The following CNTN1 variants were observed in gnomAD, a reference collection of about 807,000 sequenced individuals.
The protein encoded by CNTN1 is contactin 1.
CNTN1 carries 38 observed loss-of-function variants against 126.4 expected under a neutral mutation model. That is an observed-to-expected ratio of 0.30 (90% CI 0.23 to 0.39). CNTN1 has a LOEUF of 0.39. Ranked by LOEUF, CNTN1 falls within the 10% of genes least tolerant of loss-of-function variation. CNTN1 has a pLI of 1.00. For missense variants in CNTN1, 1,009 were observed against 1,248.4 expected (o/e 0.81, Z 2.89); for synonymous variants, 413 against 422.6 (o/e 0.98, Z 0.28).
At chr12:40,749,805 G>A (rs1373146773) in intron 1 of CNTN1, among the ~76,000 whole-genome samples, 2 of 151,936 alleles carry the variant, frequency 1.3e-5, no homozygotes, top group Non-Finnish European at 2.9e-5. Flanking sequence ...AATAGGTGTT[G>A]TGCAGGGCTT....
intron 23 of CNTN1, among the ~76,000 whole-genome samples, chr12:41,043,788 G>A (rs1336395606): frequency 2.6e-5 from 4 of 151,232 alleles, no homozygotes; most frequent in Admixed American, 1.3e-4. Flanking sequence ...AGAAAATGTG[G>A]CACATATACA....
intron 7 of CNTN1, among the ~76,000 whole-genome samples, chr12:40,931,175 T>G (rs892606347): frequency 2.6e-5 from 4 of 152,000 alleles, no homozygotes; most frequent in African/African-American, 7.2e-5. Context: ...TCTCTGCATA[T>G]TCTCTTGTAT....
chr12:40,950,794 C>T (rs1189517909), intron 14 of CNTN1, among the ~76,000 whole-genome samples: 1 of 152,054 alleles, frequency 6.6e-6, no homozygotes, highest in Non-Finnish European at 1.5e-5. Flanking sequence ...GTTGGGCTAG[C>T]TTCTTTTAAG....
intron 23 of CNTN1, among the ~76,000 whole-genome samples, chr12:41,034,969 A>G (rs1239713198): frequency 6.6e-6 from 1 of 152,212 alleles, no homozygotes; most frequent in Non-Finnish European, 1.5e-5. Flanking sequence ...AACTCCCAGC[A>G]CAGGGAGTTT....
At chr12:40,699,136 T>C (rs561944596) in intron 1 of CNTN1, among the ~76,000 whole-genome samples, 66 of 152,310 alleles carry the variant, frequency 4.3e-4, no homozygotes, top group Middle Eastern at 3.4e-3. Context: ...ATTGGTTACT[T>C]GTCTCTTGCC....
intron 23 of CNTN1, among the ~76,000 whole-genome samples, chr12:41,057,741 T>A (rs1182224670): frequency 6.6e-6 from 1 of 152,136 alleles, no homozygotes. Context: ...TCTTTGCTTT[T>A]TGTTTTCTGG....
At chr12:41,057,154 A>G (rs1771393847) in intron 23 of CNTN1, among the ~76,000 whole-genome samples, 1 of 144,248 alleles carries the variant, frequency 6.9e-6, no homozygotes, top group South Asian at 2.1e-4. Flanking sequence ...TTAGATATTT[A>G]TAAATATTAA....
At chr12:40,782,520 C>G (rs3904168) in intron 1 of CNTN1, among the ~76,000 whole-genome samples, 1 of 151,606 alleles carries the variant, frequency 6.6e-6, no homozygotes, top group Non-Finnish European at 1.5e-5. Flanking sequence ...TTCATAATTA[C>G]TGATTTGTAG....
intron 1 of CNTN1, among the ~76,000 whole-genome samples, chr12:40,760,155 T>G (rs1592057182): frequency 2.0e-5 from 3 of 152,324 alleles, no homozygotes; most frequent in South Asian, 4.1e-4. Context: ...TTTGGTTTTT[T>G]GCTTTTTTTA....
rs73271618 is a variant in CNTN1 at position 40,776,957 on chromosome 12, C to T, written c.-77+84365C>T. ...TTTGTTTATCTTGTATATCCCACCT[C>T]TCCCAGTCTTAAATTCTTCCCACTT... On this transcript the variant is annotated intron_variant, in intron 1 of 23. Transcript: ENST00000551295. Among the ~76,000 whole-genome samples the T allele has an allele frequency of 4.0e-3, 606 of 151,750 alleles. 5 individuals carry two copies. Among genetic ancestry groups the T allele is most frequent in the African/African-American group, 0.014 (561 of 41,498 alleles).
chr12:40,735,265 A>G (rs536460863), intron 1 of CNTN1, among the ~76,000 whole-genome samples: 66 of 152,254 alleles, frequency 4.3e-4, no homozygotes, highest in Middle Eastern at 3.4e-3. Flanking sequence ...ATGGAAGTCA[A>G]TTTAGTACTC....
chr12:40,738,534 TAC>T (rs1445898823), intron 1 of CNTN1, among the ~76,000 whole-genome samples: 1 of 152,026 alleles, frequency 6.6e-6, no homozygotes, highest in Non-Finnish European at 1.5e-5. Flanking sequence ...CATCATTAAA[TAC>T]AGTTTGAAGT....
chr12:41,020,154 A>G lies in CNTN1; in HGVS notation c.2420-183A>G, dbSNP rs545266911. On this transcript the variant is annotated intron_variant, in intron 19 of 23. Transcript: ENST00000551295. ...TATCACTAATGCCATAAAATAAAGT[A>G]ACATTAGAAAAATACAGGAAGAGGT... Among the ~76,000 whole-genome samples, 22 of 152,294 alleles carry G rather than the reference A, an allele frequency of 1.4e-4. No individual in the cohort carries two copies. In the South Asian group the frequency reaches 3.1e-3, roughly 22 times the overall value.
intron 1 of CNTN1, among the ~76,000 whole-genome samples, chr12:40,709,830 G>A (rs748370503): frequency 8.5e-5 from 13 of 152,146 alleles, no homozygotes; most frequent in Non-Finnish European, 1.6e-4. Flanking sequence ...TTAGGCTTTG[G>A]CTTAAGGGAA....
intron 17 of CNTN1, among the ~76,000 whole-genome samples, chr12:40,993,575 G>GT (rs1262043531): frequency 6.8e-6 from 1 of 147,776 alleles, no homozygotes; most frequent in Non-Finnish European, 1.5e-5. Context: ...TTGGAATGAC[G>GT]TAAGTATTTA....
At chr12:40,883,853 A>AT (rs1299851066) in intron 1 of CNTN1, among the ~76,000 whole-genome samples, 1 of 151,606 alleles carries the variant, frequency 6.6e-6, no homozygotes, top group Non-Finnish European at 1.5e-5. Context: ...AGCATATAAT[A>AT]TTTTGTCCAA....
In CNTN1 at chr12:41,025,206, C is replaced by T. The variant is rs2120817802; in HGVS notation, c.2580C>T (p.Thr860=). The T allele has an allele frequency of 6.2e-7, 1 of 1,613,940 alleles. No individual in the cohort carries two copies. Among genetic ancestry groups the T allele is most frequent in the South Asian group, 1.1e-5 (1 of 91,070 alleles). ...KEEAANRVQV[T]SQEYSARLEN... ...AAGCTGCAAACAGAGTTCAAGTCACCAGCCAAGAGTACTCGGCCAGGCTCG... is the reference window on the plus strand; with the variant it reads ...AAGCTGCAAACAGAGTTCAAGTCACTAGCCAAGAGTACTCGGCCAGGCTCG... The change falls in exon 21 of 24, where the codon ACC becomes ACT. Residue 860 remains threonine (T), a synonymous_variant. Transcript: ENST00000551295.
chr12:40,707,062 A>ATG (rs1941770909), intron 1 of CNTN1, among the ~76,000 whole-genome samples: 3 of 144,946 alleles, frequency 2.1e-5, no homozygotes, highest in Non-Finnish European at 4.6e-5. Context: ...ACACACACAC[A>ATG]CACACACACA....
At chr12:41,039,873 T>C (rs899852494) in intron 23 of CNTN1, among the ~76,000 whole-genome samples, 2 of 152,150 alleles carry the variant, frequency 1.3e-5, no homozygotes, top group Non-Finnish European at 2.9e-5. Context: ...CAGTATTATA[T>C]ATTATGAATA....
Sources: allele counts gnomAD v4.1 joint callset (sites outside exome capture counted in the v4.1 genomes callset), GRCh38; gene constraint gnomAD v4.1.1; transcripts MANE v1.5; gene names NCBI Gene and HGNC (gene_info 2026-07-23, HGNC 2026-07-21).